EXO1: variants seen among roughly 807,000 people sequenced by gnomAD.
EXO1 encodes exonuclease 1.
In EXO1, 69 loss-of-function variants were observed where a neutral mutation model predicts 84.5. That is an observed-to-expected ratio of 0.82 (90% CI 0.67 to 1.00). The LOEUF (loss-of-function observed/expected upper bound fraction) is 1.00, where lower values mean the gene tolerates loss of function less well. Ranked by LOEUF, EXO1 falls within the 50% of genes least tolerant of loss-of-function variation. The probability of loss-of-function intolerance (pLI) is 0.00; values close to 1 mark genes in which losing one functional copy is unlikely to be tolerated. For synonymous variants in EXO1, 373 were observed against 366.1 expected (o/e 1.02, Z -0.21); for missense variants, 1,045 against 1,000.7 (o/e 1.04, Z -0.60).
At chr1:241,867,464 C>G (rs543136967) in intron 11 of EXO1, among the ~76,000 whole-genome samples, 1 of 152,296 alleles carries the variant, frequency 6.6e-6, no homozygotes, top group Non-Finnish European at 1.5e-5. Context: ...TCCCACAACA[C>G]ATAGGAATTA....
At chr1:241,873,078 GT>G (rs202053405) in intron 12 of EXO1, among the ~76,000 whole-genome samples, 50 of 146,614 alleles carry the variant, frequency 3.4e-4, no homozygotes, top group East Asian at 1.6e-3. Flanking sequence ...CTCATTGTGG[GT>G]TTTTTTTTTT....
Position 241,879,126 on chromosome 1 carries a change from A to C in EXO1, c.1892A>C (p.Gln631Pro). ...AGCCCCTCTCCAAGCACAGCATTGC[A>C]GCAGTTCCGAAGAAAGAGCGATTCC... ...TPSPSPSTAL[Q>P]QFRRKSDSPT... Residue 631 changes from glutamine to proline, a missense_variant, in exon 13 of 16, where the codon CAG (glutamine) becomes CCG (proline). Gln to Pro is a moderately conservative substitution (Grantham distance 76). Coordinates refer to ENST00000366548, the MANE Select transcript of EXO1 (RefSeq NM_130398.4). 1 of 1,611,616 alleles carries C rather than the reference A, an allele frequency of 6.2e-7. No individual in the cohort carries two copies.
intron 12 of EXO1, among the ~76,000 whole-genome samples, chr1:241,874,070 G>A (rs1662261205): frequency 6.6e-6 from 1 of 152,180 alleles, no homozygotes; most frequent in South Asian, 2.1e-4. Flanking sequence ...GTATGCCAAC[G>A]TGGGAACTTT....
Position 241,872,111 on chromosome 1 carries a change from C to T in EXO1, c.1347C>T (p.Gly449=). ...TKKTKKNSSE[G]NKSLSFSEVF... is the part of the protein sequence containing the mutation. ...AGACCAAGAAAAATAGCTCTGAAGGCAATAAATCATTGAGCTTTTCTGAAG... is the reference window on the plus strand; with the variant it reads ...AGACCAAGAAAAATAGCTCTGAAGGTAATAAATCATTGAGCTTTTCTGAAG... Residue 449 remains glycine (G), a synonymous_variant, in exon 12 of 16, where the codon GGC becomes GGT. Coordinates refer to ENST00000366548, the MANE Select transcript of EXO1 (RefSeq NM_130398.4). 1 of 1,613,656 alleles carries T rather than the reference C, an allele frequency of 6.2e-7. No individual in the cohort carries two copies. Among genetic ancestry groups the T allele is most frequent in the Non-Finnish European group, 8.5e-7 (1 of 1,179,698 alleles).
intron 3 of EXO1, among the ~76,000 whole-genome samples, chr1:241,850,028 T>C (rs1486303673): frequency 1.3e-5 from 2 of 152,216 alleles, no homozygotes; most frequent in Non-Finnish European, 2.9e-5. Context: ...ACGCCTGTAA[T>C]CCCAGCACTT....
chr1:241,863,422 A>C (rs72755293), intron 10 of EXO1, among the ~76,000 whole-genome samples: 72 of 104,918 alleles, frequency 6.9e-4, no homozygotes, highest in South Asian at 1.7e-3. Context: ...AAAAAAAAAA[A>C]CAAAAAAAGC....
chr1:241,874,049 A>T (rs2148489424), intron 12 of EXO1, among the ~76,000 whole-genome samples: 1 of 152,306 alleles, frequency 6.6e-6, no homozygotes, highest in East Asian at 1.9e-4. Context: ...GAGACCATTC[A>T]CTGAAGGCTT....
At chr1:241,861,550 C>A in intron 10 of EXO1, 48 bp downstream of exon 10, 1 of 1,007,540 alleles carries the variant, frequency 9.9e-7, no homozygotes, top group Non-Finnish European at 1.6e-6. Context: ...AGTTATGTCC[C>A]GAGCTGTGAT....
rs765827132 is a variant in EXO1 at position 241,858,526 on chromosome 1, G to A, written c.564G>A (p.Gln188=). 1 of 1,613,852 alleles carries A rather than the reference G, an allele frequency of 6.2e-7. No homozygotes were observed. The highest frequency in any genetic ancestry group is 1.7e-5 in the Admixed American group (1 of 60,002). ...TGAAGGTAATTTTAAAGATGGACCA[G>A]TTTGGAAATGGACTTGAAATTGATC... ...GCKKVILKMD[Q]FGNGLEIDQA... The change falls in exon 8 of 16, where the codon CAG becomes CAA. Residue 188 remains glutamine (Q), a synonymous_variant. Transcript: ENST00000366548.
chr1:241,868,702 A>G (rs900681271), intron 11 of EXO1, among the ~76,000 whole-genome samples: 1 of 152,204 alleles, frequency 6.6e-6, no homozygotes, highest in Non-Finnish European at 1.5e-5. Flanking sequence ...AGAGTTAGTT[A>G]AATCCATACA....
chr1:241,848,090 A>T (rs887202014), upstream of EXO1: 2 of 152,292 alleles, frequency 1.3e-5, no homozygotes, highest in East Asian at 3.9e-4. This position sits in a 1 kb window ranked among gnomAD's most constrained non-coding sequence, Gnocchi z 4.2. Flanking sequence ...CGGAGAGCTC[A>T]GGACGCAACC....
At position 241,879,199 on chromosome 1, in the gene EXO1, G is replaced by A. The variant is rs148122384; in HGVS notation, c.1965G>A (p.Lys655=). ...ENNMSDVSQL[K]SEESSDDESH... is the part of the protein sequence containing the mutation. ...ATATGTCTGATGTGTCGCAGTTAAA[G>A]AGCGAGGAGTCCAGTGACGATGAGT... Residue 655 remains lysine (K), a synonymous_variant, in exon 13 of 16, where the codon AAG becomes AAA. Coordinates refer to ENST00000366548, the MANE Select transcript of EXO1 (RefSeq NM_130398.4). 3.7e-6 allele frequency: 6 copies of A among 1,603,244 alleles called. No individual in the cohort carries two copies. Among genetic ancestry groups the A allele is most frequent in the African/African-American group, 1.3e-5 (1 of 74,610 alleles).
intron 14 of EXO1, among the ~76,000 whole-genome samples, chr1:241,884,182 C>T (rs4149988): frequency 6.6e-6 from 1 of 152,160 alleles, no homozygotes; most frequent in Non-Finnish European, 1.5e-5. Context: ...AGAAAAACAA[C>T]CAAACATCGA....
At position 241,881,901 on chromosome 1, in the gene EXO1, ATC is replaced by A; in HGVS notation, c.2110-13_2110-12del. The A allele has an allele frequency of 1.5e-6, 2 of 1,295,112 alleles. No homozygotes were observed. The highest frequency in any genetic ancestry group is 2.2e-6 in the Non-Finnish European group (2 of 897,550). 80.2% of individuals were successfully genotyped at this position (1,295,112 alleles called of 1,614,324 possible). The stretch of plus-strand genomic sequence containing the variant: ...AAATCTAATTTTATTTTATTTTTTG[ATC>A]TGGGGACTCTAGGAATCTGATTGCA... On this transcript the variant is annotated splice_polypyrimidine_tract_variant and intron_variant, in intron 13 of 15. Transcript: ENST00000366548.
intron 10 of EXO1, among the ~76,000 whole-genome samples, chr1:241,862,318 G>C (rs939590683): frequency 6.6e-6 from 1 of 152,130 alleles, no homozygotes; most frequent in African/African-American, 2.4e-5. Flanking sequence ...CTTTCTCTTT[G>C]TATTTCTGTT....
chr1:241,881,953 G>A lies in EXO1; in HGVS notation c.2147G>A (p.Ser716Asn). ...AATATTAAGTTACTTGACAGTCAAA[G>A]TGACCAGACCTCCAAGCTACGTTTA... ...DCNIKLLDSQ[S>N]DQTSKLRLSH... is the part of the protein sequence containing the mutation. The change falls in exon 14 of 16, where the codon AGT becomes AAT. Residue 716 changes from serine to asparagine, a missense_variant. Physicochemically the swap from Ser to Asn is conservative, Grantham distance 46. Coordinates refer to ENST00000366548, the MANE Select transcript of EXO1 (RefSeq NM_130398.4). The A allele has an allele frequency of 3.2e-6, 5 of 1,582,838 alleles. No individual in the cohort carries two copies. Among genetic ancestry groups the A allele is most frequent in the Non-Finnish European group, 3.5e-6 (4 of 1,153,864 alleles).
At chr1:241,883,636 A>AT (rs1042341175) in intron 14 of EXO1, among the ~76,000 whole-genome samples, 3 of 152,330 alleles carry the variant, frequency 2.0e-5, no homozygotes, top group Admixed American at 2.0e-4. Flanking sequence ...ATATGAGATT[A>AT]TTTTTTAAAT....
At chr1:241,885,773 C>A (rs1574191139) in intron 15 of EXO1, among the ~76,000 whole-genome samples, 2 of 152,046 alleles carry the variant, frequency 1.3e-5, no homozygotes, top group East Asian at 3.9e-4. Flanking sequence ...CTTTCCTAGG[C>A]CTTAAGTCTC....
At chr1:241,860,153 T>G (rs1381389916) in intron 8 of EXO1, among the ~76,000 whole-genome samples, 1 of 152,204 alleles carries the variant, frequency 6.6e-6, no homozygotes, top group Non-Finnish European at 1.5e-5. Context: ...TCTAGAAATA[T>G]TTGCATTTTT....
Sources: gnomAD v4.1 joint callset for allele counts (sites outside exome capture counted in the v4.1 genomes callset) on GRCh38, gnomAD v4.1.1 for gene constraint, Gnocchi (gnomAD v3.1) non-coding constraint, MANE v1.5 for transcripts, NCBI Gene and HGNC (gene_info 2026-07-23, HGNC 2026-07-21) for gene names.